Variants in MYH11 observed in about 807,000 individuals in gnomAD.
MYH11 encodes the protein myosin-11.
Under a neutral mutation model 246.6 loss-of-function variants are expected in MYH11, and 80 were observed. That is an observed-to-expected ratio of 0.32 (90% CI 0.27 to 0.39). The LOEUF is 0.39. Among genes scored for constraint, MYH11 ranks in the 10% least tolerant of loss-of-function variants. The probability of loss-of-function intolerance (pLI) is 1.00; values close to 1 mark genes in which losing one functional copy is unlikely to be tolerated. For synonymous variants in MYH11, 1,071 were observed against 1,015.5 expected (o/e 1.05, Z -1.04); for missense variants, 2,158 against 2,546.8 (o/e 0.85, Z 3.29).
chr16:15,812,086 A>C (rs945919999), intron 3 of MYH11, among the ~76,000 whole-genome samples: 3 of 152,182 alleles, frequency 2.0e-5, no homozygotes, highest in Non-Finnish European at 4.4e-5. Context: ...ACACTCTGAG[A>C]TGAAGACAGT....
intron 40 of MYH11, among the ~76,000 whole-genome samples, chr16:15,708,062 C>T (rs1413373469): frequency 2.0e-5 from 3 of 152,016 alleles, no homozygotes; most frequent in Non-Finnish European, 4.4e-5. Flanking sequence ...GGTATCCACT[C>T]CCCAGTCCCT....
At chr16:15,848,217 A>C (rs2044245533) in intron 1 of MYH11, among the ~76,000 whole-genome samples, 1 of 145,882 alleles carries the variant, frequency 6.9e-6, no homozygotes, top group Non-Finnish European at 1.5e-5. Context: ...TAGTAATAAT[A>C]GTTGCTAAGT....
chr16:15,709,290 G>A (rs1446251011), intron 40 of MYH11, among the ~76,000 whole-genome samples: 1 of 151,734 alleles, frequency 6.6e-6, no homozygotes, highest in Non-Finnish European at 1.5e-5. Context: ...ATCACCTGAC[G>A]CCAAGAGCAT....
chr16:15,766,748 A>G (rs1007094132), intron 9 of MYH11, among the ~76,000 whole-genome samples: 1 of 152,198 alleles, frequency 6.6e-6, no homozygotes, highest in Non-Finnish European at 1.5e-5. Context: ...CTCAGGAACC[A>G]TTGGTTTGCA....
intron 8 of MYH11, among the ~76,000 whole-genome samples, chr16:15,775,228 T>C (rs1263028036): frequency 1.3e-5 from 2 of 152,216 alleles, no homozygotes; most frequent in Non-Finnish European, 2.9e-5. Context: ...TACAGTGTAT[T>C]ATATTTACAT....
intron 4 of MYH11, among the ~76,000 whole-genome samples, chr16:15,788,339 TAA>T (rs927620346): frequency 4.0e-5 from 6 of 151,868 alleles, no homozygotes; most frequent in African/African-American, 7.3e-5. Flanking sequence ...CTCTAAAATA[TAA>T]GAGAGTTTTT....
At chr16:15,812,471 C>G (rs1378793475) in intron 3 of MYH11, among the ~76,000 whole-genome samples, 2 of 133,860 alleles carry the variant, frequency 1.5e-5, no homozygotes, top group African/African-American at 2.8e-5. Flanking sequence ...AATCCCAGCA[C>G]TTTGGGAGGT....
chr16:15,756,623 C>T (rs1003513998), intron 13 of MYH11, 109 bp from the exon 14 acceptor site: 4 of 1,106,578 alleles, frequency 3.6e-6, no homozygotes, highest in Non-Finnish European at 5.4e-6. Flanking sequence ...AGATCTGATA[C>T]TGTATTTGCC....
chr16:15,733,813 G>C (rs539614269), intron 26 of MYH11, among the ~76,000 whole-genome samples: 4 of 152,306 alleles, frequency 2.6e-5, no homozygotes, highest in African/African-American at 9.6e-5. Context: ...AAAGTGCTGG[G>C]ATTACAGGCA....
rs932031773 is a variant in MYH11, at chr16:15,719,859, C to T, written c.4954-146G>A. 5 of 1,265,362 alleles carry T rather than the reference C, an allele frequency of 4.0e-6. No individual in the cohort carries two copies. In the African/African-American group the frequency reaches 4.4e-5, roughly 11 times the overall value. The allele number at this position is 1,265,362 out of a possible 1,614,324, so 78.4% of individuals were successfully genotyped here. A position where few individuals can be genotyped will look rare whatever the true frequency, so the allele number is the denominator to read the frequency against. ...ATTGCACGAGCATGGCTCTCAGTTC[C>T]AGGTGGCTGGTGGTGCGCTGGGAGC... On this transcript the variant is annotated intron_variant, in intron 34 of 40. Transcript: ENST00000300036.
intron 9 of MYH11, among the ~76,000 whole-genome samples, chr16:15,765,382 C>T (rs144312116): frequency 6.6e-5 from 10 of 150,718 alleles, no homozygotes; most frequent in East Asian, 3.9e-4. Context: ...GATGGATAGA[C>T]GATGGATAGA....
Position 15,727,031 on chromosome 16 carries a change from ATTC to A in MYH11, c.3672_3674del (p.Lys1224del), listed in dbSNP as rs770075112. On this transcript the variant is annotated inframe_deletion, in exon 28 of 41. Coordinates refer to ENST00000300036, the MANE Select transcript of MYH11 (RefSeq NM_002474.3). ...CGTTCTCTTTCTCCAGCGTCTGCTT[ATTC>A]TTGTCTAGGTTCGCCTTGGCCTGGC... The A allele has an allele frequency of 2.5e-6, 4 of 1,611,748 alleles. No homozygotes were observed. The highest frequency in any genetic ancestry group is 1.7e-6 in the Non-Finnish European group (2 of 1,178,824).
At chr16:15,772,481 T>C (rs138721301) in intron 8 of MYH11, among the ~76,000 whole-genome samples, 1,607 of 152,214 alleles carry the variant, frequency 0.011, 16 homozygotes, top group Non-Finnish European at 0.015. Flanking sequence ...TAATGAAAAA[T>C]AGCATTCTCC....
At chr16:15,739,829 C>T (rs977912045) in intron 23 of MYH11, among the ~76,000 whole-genome samples, 3 of 151,936 alleles carry the variant, frequency 2.0e-5, no homozygotes, top group Admixed American at 2.0e-4. Flanking sequence ...GCAACCTCTA[C>T]CTCCCAGGTT....
At chr16:15,716,550 C>T (rs2040158043) in intron 38 of MYH11, among the ~76,000 whole-genome samples, 1 of 151,906 alleles carries the variant, frequency 6.6e-6, no homozygotes, top group African/African-American at 2.4e-5. Context: ...GTGGAAGGGT[C>T]CCACTGTGTC....
At chr16:15,721,759 T>C in intron 31 of MYH11, 125 bp from the exon 32 acceptor site, 2 of 960,154 alleles carry the variant, frequency 2.1e-6, no homozygotes, top group Non-Finnish European at 3.3e-6. Context: ...GCAGTGTAGG[T>C]TAGCTATGGG....
intron 22 of MYH11, 106 bp downstream of exon 22, chr16:15,741,357 T>C (rs931408154): frequency 1.6e-6 from 2 of 1,266,582 alleles, no homozygotes; most frequent in South Asian, 2.4e-5. Flanking sequence ...CCCCGTCTCA[T>C]CATCTGTCCC....
intron 3 of MYH11, among the ~76,000 whole-genome samples, chr16:15,805,212 T>C (rs1567187881): frequency 6.6e-6 from 1 of 152,210 alleles, no homozygotes; most frequent in African/African-American, 2.4e-5. Context: ...ATTTATTGTA[T>C]TGCATTGTGT....
Position 15,747,872 on chromosome 16 carries a change from AC to A in MYH11, c.2250+1del, listed in dbSNP as rs754253345. 1 of 1,613,648 alleles carries A rather than the reference AC, an allele frequency of 6.2e-7. No homozygotes were observed. ...AGGTCTCTGGTGGACTTCTGGGCTCACCATGAGAATGCAGGCCTGCTTCCCG... is the reference window on the plus strand; with the variant it reads ...AGGTCTCTGGTGGACTTCTGGGCTCACATGAGAATGCAGGCCTGCTTCCCG... On this transcript the variant is annotated splice_donor_variant, in intron 18 of 40. Coordinates refer to ENST00000300036, the MANE Select transcript of MYH11 (RefSeq NM_002474.3). LOFTEE classifies it high-confidence loss of function.
Sources: gnomAD v4.1 joint callset for allele counts (sites outside exome capture counted in the v4.1 genomes callset) on GRCh38, gnomAD v4.1.1 for gene constraint, MANE v1.5 for transcripts, NCBI Gene and HGNC (gene_info 2026-07-23, HGNC 2026-07-21) for gene names.